The following FEZ1 variants were observed in gnomAD, a reference collection of about 807,000 sequenced individuals.
FEZ1 encodes the protein fasciculation and elongation protein zeta-1.
In FEZ1, 20 loss-of-function variants were observed where a neutral mutation model predicts 49.3. The observed-to-expected ratio is 0.41, with a 90% CI of 0.29 to 0.59. The LOEUF (loss-of-function observed/expected upper bound fraction) is 0.59. Ranked by LOEUF, FEZ1 falls within the 20% of genes least tolerant of loss-of-function variation. FEZ1 has a pLI of 0.36. For synonymous variants in FEZ1, 170 were observed against 180.9 expected, an observed-to-expected ratio of 0.94 and a Z score of 0.48; for missense variants, 413 against 476.0, an observed-to-expected ratio of 0.87 and a Z score of 1.23.
At chr11:125,488,982 C>T (rs1957354698) in intron 2 of FEZ1, 1 of 985,434 alleles carries the variant, frequency 1.0e-6, no homozygotes. Flanking sequence ...AGTTTAGATG[C>T]TTTCTTATGT....
chr11:125,455,699 CCT>C (rs776735893), intron 6 of FEZ1, 134 bp downstream of exon 6: 7 of 869,454 alleles, frequency 8.1e-6, no homozygotes, highest in African/African-American at 6.6e-5. Flanking sequence ...TTTCTGACCC[CCT>C]GTCTGTCACA....
chr11:125,457,403 T>TTAAAAA (rs1370067173), intron 5 of FEZ1, among the ~76,000 whole-genome samples: 1 of 35,112 alleles, frequency 2.8e-5, no homozygotes, highest in African/African-American at 9.9e-5. Context: ...GTTTCTACTT[T>TTAAAAA]AAAAAAAAAA....
intron 2 of FEZ1, among the ~76,000 whole-genome samples, chr11:125,488,443 G>C (rs1042436562): frequency 6.6e-6 from 1 of 152,216 alleles, no homozygotes; most frequent in Non-Finnish European, 1.5e-5. Context: ...CACTTTGGGA[G>C]GCCAAGGCGG....
At chr11:125,448,025 T>G (rs189488391) in intron 9 of FEZ1, among the ~76,000 whole-genome samples, 1 of 152,254 alleles carries the variant, frequency 6.6e-6, no homozygotes, top group East Asian at 1.9e-4. Context: ...TGGCCGGGAC[T>G]TAATAACTGT....
rs1314108221 is a variant in FEZ1 at position 125,495,512 on chromosome 11, G to A, written c.-46+609C>T. On this transcript the variant is annotated intron_variant, in intron 1 of 9. Transcript: ENST00000278919. This position sits in a 1 kb window ranked among gnomAD's most constrained non-coding sequence, Gnocchi z 4.2. ...CCCGCCCGTCTGTAGTAAAACAATC[G>A]CTCTCCCGGCGTCTGCGGCCGCTGC... 1 of 470,960 alleles carries A rather than the reference G, an allele frequency of 2.1e-6. No individual in the cohort carries two copies. The highest frequency in any genetic ancestry group is 2.3e-5 in the Admixed American group (1 of 42,560). 29.2% of individuals were successfully genotyped at this position (470,960 alleles called of 1,614,324 possible).
intron 3 of FEZ1, among the ~76,000 whole-genome samples, chr11:125,479,094 T>C (rs1957257609): frequency 6.6e-6 from 1 of 152,168 alleles, no homozygotes; most frequent in Non-Finnish European, 1.5e-5. Context: ...CAGCCTCCTA[T>C]GTCTGTGCTG....
At chr11:125,454,509 A>C (rs1956988865) in intron 6 of FEZ1, among the ~76,000 whole-genome samples, 1 of 152,204 alleles carries the variant, frequency 6.6e-6, no homozygotes, top group African/African-American at 2.4e-5. Context: ...AAAGCAGTTC[A>C]GTCAAACTTA....
chr11:125,444,251 C>T lies in FEZ1; in HGVS notation c.*1844G>A, dbSNP rs189975501. 9.2e-5 allele frequency among the ~76,000 whole-genome samples: 14 copies of T among 152,244 alleles called. No homozygotes were observed. The East Asian group carries it at 1.9e-3, about 21-fold the overall frequency. ...CAGTTTTCCTGGGGGGATAAGTCTC[C>T]GCCACCCCTAGCTAAGATTGCTAGT... On this transcript the variant is annotated 3_prime_UTR_variant, in exon 10 of 10. Coordinates refer to ENST00000278919, the MANE Select transcript of FEZ1 (RefSeq NM_005103.5).
chr11:125,473,208 T>C (rs1428876571), intron 3 of FEZ1, among the ~76,000 whole-genome samples: 1 of 152,152 alleles, frequency 6.6e-6, no homozygotes, highest in Non-Finnish European at 1.5e-5. Flanking sequence ...ATATATATCA[T>C]TGAAACAGAA....
At chr11:125,470,937 C>T (rs1244063206) in intron 3 of FEZ1, among the ~76,000 whole-genome samples, 1 of 151,844 alleles carries the variant, frequency 6.6e-6, no homozygotes, top group Non-Finnish European at 1.5e-5. Flanking sequence ...AAATATATGA[C>T]AATTATAGCA....
At chr11:125,451,205 T>TA (rs56357394) in intron 8 of FEZ1, among the ~76,000 whole-genome samples, 20 of 151,234 alleles carry the variant, frequency 1.3e-4, no homozygotes, top group African/African-American at 2.2e-4. Flanking sequence ...TTTTCTCCCT[T>TA]AAAAAAAAAG....
intron 2 of FEZ1, among the ~76,000 whole-genome samples, chr11:125,485,420 A>G (rs1333097237): frequency 6.6e-6 from 1 of 152,162 alleles, no homozygotes; most frequent in Non-Finnish European, 1.5e-5. Context: ...CAACATAGCC[A>G]TCAGGGTTCT....
intron 9 of FEZ1, among the ~76,000 whole-genome samples, chr11:125,448,101 A>G (rs1956914515): frequency 6.6e-6 from 1 of 152,214 alleles, no homozygotes; most frequent in Non-Finnish European, 1.5e-5. Context: ...ATGTACAACC[A>G]GTTTCCATAA....
rs868774232 is a variant in FEZ1, at chr11:125,490,434, C to T, written c.-45-612G>A. 2.6e-5 allele frequency among the ~76,000 whole-genome samples: 4 copies of T among 152,292 alleles called. No homozygotes were observed. In the South Asian group the frequency reaches 6.2e-4, roughly 24 times the overall value. ...ATCCCAGATCCCACTGGATGAAATG[C>T]GGAATGTACACTCTATTACTACTTT... On this transcript the variant is annotated intron_variant, in intron 1 of 9. Coordinates refer to ENST00000278919, the MANE Select transcript of FEZ1 (RefSeq NM_005103.5).
chr11:125,493,417 AGAAAGAAG>A (rs1565306954), intron 1 of FEZ1, among the ~76,000 whole-genome samples: 66 of 51,498 alleles, frequency 1.3e-3, no homozygotes, highest in Middle Eastern at 6.6e-3. Context: ...AAAGAAAGAA[AGAAAGAAG>A]GAAAGAAGGA....
In FEZ1 at chr11:125,443,343, C is replaced by T. The variant is rs1346608292; in HGVS notation, c.*2752G>A. Among the ~76,000 whole-genome samples, 1 of 152,174 alleles carries T rather than the reference C, an allele frequency of 6.6e-6. No individual in the cohort carries two copies. Among genetic ancestry groups the T allele is most frequent in the East Asian group, 1.9e-4 (1 of 5,186 alleles). On this transcript the variant is annotated 3_prime_UTR_variant, in exon 10 of 10. Transcript: ENST00000278919. ...AAAGCTGAGGGAAGACAATTGGGTT[C>T]ACCTGATAATCACACTAGCCACAAA...
chr11:125,476,050 T>C (rs972784663), intron 3 of FEZ1, among the ~76,000 whole-genome samples: 4 of 151,944 alleles, frequency 2.6e-5, no homozygotes, highest in Non-Finnish European at 4.4e-5. Context: ...CAAAAGAAAA[T>C]GTACATATTG....
chr11:125,489,700 C>T lies in FEZ1; in HGVS notation c.78G>A (p.Lys26=). The T allele has an allele frequency of 6.2e-7, 1 of 1,612,590 alleles. No individual in the cohort carries two copies. Among genetic ancestry groups the T allele is most frequent in the Non-Finnish European group, 8.5e-7 (1 of 1,179,170 alleles). The part of the protein sequence containing the change: ...RPSCSEDPEE[K]PQCFYGSSPH... ...GAGATGAACCATAGAAACACTGGGG[C>T]TTCTCCTCCGGGTCCTCCGAGCAGG... The change falls in exon 2 of 10, where the codon AAG becomes AAA. Residue 26 remains lysine (K), a synonymous_variant. Transcript: ENST00000278919. This position sits in a 1 kb window ranked among gnomAD's most constrained non-coding sequence, Gnocchi z 4.2.
intron 5 of FEZ1, among the ~76,000 whole-genome samples, chr11:125,459,407 C>T (rs552832347): frequency 2.0e-5 from 3 of 152,058 alleles, no homozygotes; most frequent in South Asian, 2.1e-4. Flanking sequence ...GCCTGGCCAA[C>T]GTGGAGAAAC....
Sources: gnomAD v4.1 joint callset for allele counts (sites outside exome capture counted in the v4.1 genomes callset) on GRCh38, gnomAD v4.1.1 for gene constraint, Gnocchi (gnomAD v3.1) non-coding constraint, MANE v1.5 for transcripts, NCBI Gene and HGNC (gene_info 2026-07-23, HGNC 2026-07-21) for gene names.